The following SH3BGRL2 variants were observed in gnomAD, a reference collection of about 807,000 sequenced individuals.
The protein encoded by SH3BGRL2 is SH3 domain-binding glutamic acid-rich-like protein 2.
Under a neutral mutation model 14.8 loss-of-function variants are expected in SH3BGRL2, and 21 were observed. The ratio of observed to expected loss-of-function variants is 1.42; its 90% CI spans 1.01 to 2.05. SH3BGRL2 has a LOEUF of 2.05. SH3BGRL2 is among the 30% of genes most tolerant of loss of function. SH3BGRL2 has a pLI of 0.00. For synonymous variants in SH3BGRL2, 50 were observed against 47.8 expected (o/e 1.05, Z -0.19); for missense variants, 147 against 130.8 (o/e 1.12, Z -0.61).
At position 79,699,492 on chromosome 6, in the gene SH3BGRL2, T is replaced by TTTTA; in HGVS notation, c.313-5_313-4insTTAT. On this transcript the variant is annotated splice_polypyrimidine_tract_variant and splice_region_variant and intron_variant, in intron 3 of 3. Transcript: ENST00000369838. ...TTTTTTTTTTTTTTTTTTTTTTTTT[T>TTTTA]TATAGGCAGAACCTTAGAGAAGAAG... is the stretch of plus-strand genomic sequence containing the variant. 2.0e-6 allele frequency: 3 copies of TTTTA among 1,471,424 alleles called. No homozygotes were observed. Among genetic ancestry groups the TTTTA allele is most frequent in the South Asian group, 1.4e-5 (1 of 72,794 alleles). The allele number at this position is 1,471,424 out of a possible 1,614,324, so 91.1% of individuals were successfully genotyped here. A position where few individuals can be genotyped will look rare whatever the true frequency, so the allele number is the denominator to read the frequency against.
chr6:79,553,967 C>T, the SH3BGRL2 span, among the ~76,000 whole-genome samples: 2 of 126,770 alleles, frequency 1.6e-5, no homozygotes, highest in Non-Finnish European at 1.7e-5. Context: ...GACTCTGTCT[C>T]AAAAAAAAAA....
At chr6:79,636,087 G>A (rs1357150402) in intron 1 of SH3BGRL2, among the ~76,000 whole-genome samples, 2 of 152,176 alleles carry the variant, frequency 1.3e-5, no homozygotes, top group Non-Finnish European at 2.9e-5. Context: ...GGCCACTTTA[G>A]GATCTTTAAT....
intron 2 of SH3BGRL2, among the ~76,000 whole-genome samples, chr6:79,690,902 C>G (rs972996891): frequency 2.0e-5 from 3 of 152,170 alleles, no homozygotes; most frequent in African/African-American, 7.2e-5. Flanking sequence ...TAGGTGGTCT[C>G]TTTGTAGAGG....
chr6:79,566,890 C>CT, the SH3BGRL2 span, among the ~76,000 whole-genome samples: 2 of 117,000 alleles, frequency 1.7e-5, no homozygotes, highest in East Asian at 4.7e-4. Context: ...GAGCAAGACT[C>CT]TGTCTCTAAA....
chr6:79,649,896 A>C (rs901236258), intron 1 of SH3BGRL2, among the ~76,000 whole-genome samples: 8 of 152,096 alleles, frequency 5.3e-5, no homozygotes, highest in African/African-American at 1.9e-4. Flanking sequence ...AAGTCCTTGT[A>C]AACGTCTGAG....
At chr6:79,660,698 A>G (rs1467790557) in intron 1 of SH3BGRL2, among the ~76,000 whole-genome samples, 1 of 152,192 alleles carries the variant, frequency 6.6e-6, no homozygotes. Context: ...TGATTGGAAT[A>G]GTTTCAGAAG....
chr6:79,593,718 CAA>C, the SH3BGRL2 span, among the ~76,000 whole-genome samples: 14 of 152,124 alleles, frequency 9.2e-5, no homozygotes, highest in Non-Finnish European at 2.1e-4. Context: ...TGAAAAACCT[CAA>C]GAGGAAGATT....
At chr6:79,570,263 T>A in the SH3BGRL2 span, among the ~76,000 whole-genome samples, 2 of 152,176 alleles carry the variant, frequency 1.3e-5, no homozygotes, top group Non-Finnish European at 2.9e-5. Flanking sequence ...AACTGTTGCC[T>A]GCCAATTCTT....
At chr6:79,602,788 G>C in the SH3BGRL2 span, among the ~76,000 whole-genome samples, 1 of 151,958 alleles carries the variant, frequency 6.6e-6, no homozygotes, top group African/African-American at 2.4e-5. Flanking sequence ...GTAAAAGAGA[G>C]ACATGTAAGT....
chr6:79,634,578 G>A (rs539892771), intron 1 of SH3BGRL2, among the ~76,000 whole-genome samples: 22 of 151,714 alleles, frequency 1.5e-4, no homozygotes, highest in South Asian at 6.2e-4. Flanking sequence ...CATTTATTCC[G>A]TCAGTCAGTT....
the SH3BGRL2 span, among the ~76,000 whole-genome samples, chr6:79,550,811 C>A: frequency 6.6e-6 from 1 of 152,270 alleles, no homozygotes; most frequent in South Asian, 2.1e-4. Context: ...ACTTGTATTT[C>A]AGTGTCATGA....
chr6:79,584,001 A>G, the SH3BGRL2 span, among the ~76,000 whole-genome samples: 4 of 152,186 alleles, frequency 2.6e-5, no homozygotes, highest in African/African-American at 7.2e-5. Flanking sequence ...CAGAGATACA[A>G]GAGACATTGT....
At chr6:79,588,715 T>C in the SH3BGRL2 span, among the ~76,000 whole-genome samples, 2 of 152,188 alleles carry the variant, frequency 1.3e-5, no homozygotes, top group East Asian at 3.8e-4. Context: ...CACATAGGTA[T>C]TATTAACAAC....
At chr6:79,640,376 A>G (rs980720472) in intron 1 of SH3BGRL2, among the ~76,000 whole-genome samples, 8 of 152,198 alleles carry the variant, frequency 5.3e-5, no homozygotes, top group African/African-American at 1.9e-4. Flanking sequence ...AAAGCTTGGA[A>G]AAGCACTTAA....
chr6:79,636,415 C>T (rs972057960), intron 1 of SH3BGRL2, among the ~76,000 whole-genome samples: 7 of 152,146 alleles, frequency 4.6e-5, no homozygotes, highest in Admixed American at 4.6e-4. Flanking sequence ...AGGACATTGG[C>T]AGAGGAGGTT....
chr6:79,633,541 G>A (rs1006529304), intron 1 of SH3BGRL2, among the ~76,000 whole-genome samples: 2 of 152,124 alleles, frequency 1.3e-5, no homozygotes, highest in African/African-American at 4.8e-5. Flanking sequence ...CTGCCTCGTA[G>A]CATGTGTTCT....
At chr6:79,667,008 G>A (rs1769673890) in intron 1 of SH3BGRL2, among the ~76,000 whole-genome samples, 1 of 152,184 alleles carries the variant, frequency 6.6e-6, no homozygotes, top group South Asian at 2.1e-4. Flanking sequence ...TACTGCTTAG[G>A]CCTTTTCTTG....
upstream of SH3BGRL2, among the ~76,000 whole-genome samples, chr6:79,628,333 G>A (rs1318952189): frequency 3.3e-5 from 5 of 150,518 alleles, no homozygotes; most frequent in East Asian, 9.7e-4. Flanking sequence ...AGGGTCCTTG[G>A]CACTCCTCTT....
At chr6:79,601,199 G>A in the SH3BGRL2 span, among the ~76,000 whole-genome samples, 6 of 152,188 alleles carry the variant, frequency 3.9e-5, no homozygotes, top group Admixed American at 2.0e-4. Context: ...GGAATGTTTT[G>A]TTTTTTGAAA....
Sources: gnomAD v4.1 joint callset for allele counts (sites outside exome capture counted in the v4.1 genomes callset) on GRCh38, gnomAD v4.1.1 for gene constraint, MANE v1.5 for transcripts, NCBI Gene and HGNC (gene_info 2026-07-23, HGNC 2026-07-21) for gene names.